TMC5: variants seen among roughly 807,000 people sequenced by gnomAD.
TMC5 encodes transmembrane channel like 5, also known as transmembrane channel-like protein 5.
A neutral mutation model predicts 110.5 loss-of-function variants in TMC5; 86 were observed. The ratio of observed to expected loss-of-function variants is 0.78; its 90% CI spans 0.65 to 0.93. The LOEUF (loss-of-function observed/expected upper bound fraction) is 0.93, where lower values mean the gene tolerates loss of function less well. Among genes scored for constraint, TMC5 ranks in the 40% least tolerant of loss-of-function variants. The pLI is 0.00. For synonymous variants in TMC5, 455 were observed against 439.5 expected, an observed-to-expected ratio of 1.04 and a Z score of -0.44; for missense variants, 1,144 against 1,222.8, an observed-to-expected ratio of 0.94 and a Z score of 0.96.
At chr16:19,446,987 C>G (rs1169913399) in intron 4 of TMC5, among the ~76,000 whole-genome samples, 1 of 151,976 alleles carries the variant, frequency 6.6e-6, no homozygotes, top group Non-Finnish European at 1.5e-5. Context: ...GCCTGGCCCA[C>G]AGTAGGTGCC....
At chr16:19,497,242 C>A in intron 21 of TMC5, 79 bp downstream of exon 21, 4 of 1,439,998 alleles carry the variant, frequency 2.8e-6, no homozygotes, top group South Asian at 2.4e-5. Context: ...AAGAATTGCT[C>A]ATGTGTCCAT....
chr16:19,456,587 T>C, intron 5 of TMC5: 11 of 1,479,284 alleles, frequency 7.4e-6, no homozygotes, highest in Non-Finnish European at 9.0e-6. Flanking sequence ...GTGAATGGTG[T>C]ATCCCTTTGT....
chr16:19,455,950 G>A (rs1364630544), intron 5 of TMC5, among the ~76,000 whole-genome samples: 2 of 152,174 alleles, frequency 1.3e-5, no homozygotes, highest in Non-Finnish European at 2.9e-5. Flanking sequence ...TCTCACGCCT[G>A]TAATCCCAGC....
chr16:19,452,088 C>T (rs35940436), intron 5 of TMC5, among the ~76,000 whole-genome samples: 98,310 of 152,100 alleles, frequency 0.65, 33,701 homozygotes, highest in South Asian at 0.86. Flanking sequence ...CATGAGCCAC[C>T]GCACCCAGCC....
At chr16:19,435,905 A>G (rs1320423997) in intron 2 of TMC5, among the ~76,000 whole-genome samples, 1 of 152,220 alleles carries the variant, frequency 6.6e-6, no homozygotes, top group African/African-American at 2.4e-5. Context: ...ATATGCCACA[A>G]TTCATTCACT....
chr16:19,452,635 T>G (rs1454279896), intron 5 of TMC5, among the ~76,000 whole-genome samples: 1 of 152,142 alleles, frequency 6.6e-6, no homozygotes, highest in Non-Finnish European at 1.5e-5. Flanking sequence ...GGGAATCACT[T>G]GAACTCAGGA....
chr16:19,444,251 G>A lies in TMC5; in HGVS notation c.958+1G>A. ...CCAGGTGCTCCTGGAAGTGGCTATG[G>A]TAAGCATTTGTTAAGCCAGGATCAT... On this transcript the variant is annotated splice_donor_variant, in intron 4 of 21. Coordinates refer to ENST00000542583, the MANE Select transcript of TMC5 (RefSeq NM_001261841.2). LOFTEE classifies it high-confidence loss of function. 6.2e-7 allele frequency: 1 copy of A among 1,613,396 alleles called. No individual in the cohort carries two copies. The highest frequency in any genetic ancestry group is 8.5e-7 in the Non-Finnish European group (1 of 1,179,894).
chr16:19,426,511 T>C (rs944939874), intron 1 of TMC5, among the ~76,000 whole-genome samples: 3 of 152,142 alleles, frequency 2.0e-5, no homozygotes, highest in Non-Finnish European at 2.9e-5. Flanking sequence ...TCCTTTCTTG[T>C]TGGATAGCAG....
intron 4 of TMC5, among the ~76,000 whole-genome samples, chr16:19,444,678 G>A (rs9926178): frequency 0.037 from 5,561 of 152,248 alleles, 128 homozygotes; most frequent in African/African-American, 0.057. Context: ...CACATTTTTT[G>A]TTAGCTGCCA....
chr16:19,440,171 C>A lies in TMC5; in HGVS notation c.133C>A (p.Pro45Thr), dbSNP rs372162376. The change falls in exon 3 of 22, where the codon CCA becomes ACA. Residue 45 changes from proline (P) to threonine (T), a missense_variant. Pro to Thr is a conservative substitution (Grantham distance 38). Coordinates refer to ENST00000542583, the MANE Select transcript of TMC5 (RefSeq NM_001261841.2). Reference protein sequence around the residue: ...YPDVPGPLNNPDYPGTRSNPY... With the variant: ...YPDVPGPLNNTDYPGTRSNPY... ...AGATGTTCCAGGTCCTCTGAACAATCCAGACTACCCCGGCACCAGGAGCAA... is the reference window on the plus strand; with the variant it reads ...AGATGTTCCAGGTCCTCTGAACAATACAGACTACCCCGGCACCAGGAGCAA... 5.6e-6 allele frequency: 9 copies of A among 1,614,138 alleles called. No homozygotes were observed. Among genetic ancestry groups the A allele is most frequent in the Non-Finnish European group, 6.8e-6 (8 of 1,180,016 alleles).
At chr16:19,456,380 C>T in intron 5 of TMC5, 1 of 864,880 alleles carries the variant, frequency 1.2e-6, no homozygotes, top group Non-Finnish European at 1.4e-6. Flanking sequence ...AAAATATCTT[C>T]CTTCTGTTTC....
chr16:19,453,869 G>A (rs549523353), intron 5 of TMC5, among the ~76,000 whole-genome samples: 9 of 152,258 alleles, frequency 5.9e-5, no homozygotes, highest in South Asian at 4.1e-4. Flanking sequence ...TAGTGTGCGT[G>A]CTTATATTCA....
Position 19,474,160 on chromosome 16 carries a change from G to A in TMC5, c.1974G>A (p.Leu658=). 2 of 1,614,034 alleles carry A rather than the reference G, an allele frequency of 1.2e-6. No homozygotes were observed. Among genetic ancestry groups the A allele is most frequent in the East Asian group, 2.2e-5 (1 of 44,858 alleles). The change falls in exon 12 of 22, where the codon CTG becomes CTA. Residue 658 remains leucine, a synonymous_variant. Coordinates refer to ENST00000542583, the MANE Select transcript of TMC5 (RefSeq NM_001261841.2). ...LKTHSNPGAV[L]LLPFVVSCIN... ...CACACAGTAACCCTGGGGCGGTGCT[G>A]TTACTGCCTTTCGTTGTGTCCTGCA...
intron 2 of TMC5, among the ~76,000 whole-genome samples, chr16:19,435,869 C>T (rs1967333235): frequency 6.6e-6 from 1 of 152,228 alleles, no homozygotes. Flanking sequence ...GTCTTTGTTG[C>T]CTCTCTGTAG....
chr16:19,424,451 G>C (rs918014091), intron 1 of TMC5, among the ~76,000 whole-genome samples: 1 of 152,134 alleles, frequency 6.6e-6, no homozygotes, highest in Non-Finnish European at 1.5e-5. Context: ...AGGAGTTCGA[G>C]ACCAGCCTGG....
rs35687638 is a variant in TMC5 at position 19,485,112 on chromosome 16, C to CT, written c.2364-1816dup. 2.3e-3 allele frequency among the ~76,000 whole-genome samples: 288 copies of CT among 127,288 alleles called. 3 individuals are homozygous for CT. The highest frequency in any genetic ancestry group is 6.4e-3 in the East Asian group (29 of 4,516). 83.5% of individuals were successfully genotyped at this position (127,288 alleles called of 152,430 possible). A position where few individuals can be genotyped will look rare whatever the true frequency, so the allele number is the denominator to read the frequency against. On this transcript the variant is annotated intron_variant, in intron 15 of 21. Coordinates refer to ENST00000542583, the MANE Select transcript of TMC5 (RefSeq NM_001261841.2). ...CTACTTAATTTTTTTTATTATTTGC[C>CT]TTTTTTTTTTTTTTTTTACTCAAAT...
At chr16:19,438,935 AAAG>A (rs1967418269) in intron 2 of TMC5, among the ~76,000 whole-genome samples, 1 of 152,230 alleles carries the variant, frequency 6.6e-6, no homozygotes, top group African/African-American at 2.4e-5. Context: ...ATGCTGGGTC[AAAG>A]AAGATTTATG....
chr16:19,487,144 TGCC>T (rs764176125), intron 16 of TMC5, 46 bp from the exon 17 acceptor site: 1 of 1,604,328 alleles, frequency 6.2e-7, no homozygotes, highest in South Asian at 1.1e-5. Context: ...GGGGTCCCTC[TGCC>T]GCTGCTCCGG....
chr16:19,474,033 C>G (rs1245773811), intron 11 of TMC5, 92 bp from the exon 12 acceptor site: 1 of 1,274,776 alleles, frequency 7.8e-7, no homozygotes, highest in Non-Finnish European at 1.1e-6. Flanking sequence ...GGAGCTACTT[C>G]TCGGGTTTTC....
Sources: allele counts gnomAD v4.1 joint callset (sites outside exome capture counted in the v4.1 genomes callset), GRCh38; gene constraint gnomAD v4.1.1; transcripts MANE v1.5; gene names NCBI Gene and HGNC (gene_info 2026-07-23, HGNC 2026-07-21).